Variants in TEX11 observed in about 807,000 individuals in gnomAD.
TEX11 encodes testis-expressed protein 11.
Under a neutral mutation model 84.4 loss-of-function variants are expected in TEX11, and 7 were observed. The observed-to-expected ratio is 0.08, with a 90% CI of 0.05 to 0.16. TEX11 has a LOEUF of 0.16. TEX11 is among the 10% of genes least tolerant of loss of function. TEX11 has a pLI of 1.00. For missense variants in TEX11, 551 were observed against 660.5 expected, an observed-to-expected ratio of 0.83 and a Z score of 1.82; for synonymous variants, 264 against 222.8, an observed-to-expected ratio of 1.18 and a Z score of -1.64.
chrX:70,769,918 A>T (rs1239757554), intron 9 of TEX11, among the ~76,000 whole-genome samples: 1 of 112,115 alleles, frequency 8.9e-6, no homozygotes, highest in Non-Finnish European at 1.9e-5. Flanking sequence ...TTATCACCGT[A>T]TATGTAAACC....
intron 13 of TEX11, among the ~76,000 whole-genome samples, chrX:70,691,752 G>A (rs2090236895): frequency 9.1e-6 from 1 of 110,497 alleles, no homozygotes; most frequent in Non-Finnish European, 1.9e-5. Flanking sequence ...GTACAGCATG[G>A]CGACTATAGT....
intron 20 of TEX11, among the ~76,000 whole-genome samples, chrX:70,618,436 G>A (rs2089344335): frequency 9.0e-6 from 1 of 111,519 alleles, no homozygotes; most frequent in African/African-American, 3.3e-5. Flanking sequence ...AAAGAAATGA[G>A]TTGAACCTAG....
chrX:70,677,037 T>C (rs1477325663), intron 15 of TEX11, among the ~76,000 whole-genome samples: 1 of 112,324 alleles, frequency 8.9e-6, no homozygotes, highest in Non-Finnish European at 1.9e-5. Flanking sequence ...TCAGTATCGA[T>C]TGATTGCTTA....
intron 8 of TEX11, among the ~76,000 whole-genome samples, chrX:70,807,466 C>T (rs1407419084): frequency 9.0e-6 from 1 of 111,619 alleles, no homozygotes; most frequent in Non-Finnish European, 1.9e-5. Flanking sequence ...TGCATTAATG[C>T]CATGTTTTAC....
intron 25 of TEX11, among the ~76,000 whole-genome samples, chrX:70,564,902 T>A (rs1242717831): frequency 9.1e-6 from 1 of 110,088 alleles, no homozygotes; most frequent in Admixed American, 9.8e-5. Context: ...TGATTTATAG[T>A]CCTTTGGGTA....
chrX:70,664,201 C>T (rs1353846112), intron 16 of TEX11, among the ~76,000 whole-genome samples: 1 of 111,681 alleles, frequency 9.0e-6, no homozygotes. Context: ...TTGATTCAAC[C>T]TAATTTGAGT....
intron 16 of TEX11, among the ~76,000 whole-genome samples, chrX:70,666,194 C>G (rs2089974925): frequency 9.0e-6 from 1 of 111,340 alleles, no homozygotes; most frequent in African/African-American, 3.3e-5. Context: ...ATAAACAGAA[C>G]TGTTACAAAG....
At chrX:70,847,341 T>C in intron 7 of TEX11, among the ~76,000 whole-genome samples, 1 of 111,225 alleles carries the variant, frequency 9.0e-6, no homozygotes, top group East Asian at 2.8e-4. Flanking sequence ...CTACTGAAAC[T>C]GCTTTCTATG....
intron 25 of TEX11, among the ~76,000 whole-genome samples, chrX:70,574,784 T>G (rs73540706): frequency 0.083 from 9,168 of 111,036 alleles, 851 homozygotes; most frequent in African/African-American, 0.26. Context: ...GGTTAAGGGG[T>G]TAAATAGTAT....
chrX:70,687,156 T>C (rs936209522), intron 13 of TEX11, among the ~76,000 whole-genome samples: 3 of 111,022 alleles, frequency 2.7e-5, no homozygotes, highest in African/African-American at 9.8e-5. Context: ...TCCACCTCAT[T>C]CACACACAGA....
At chrX:70,883,490 G>A (rs2091693642) in intron 2 of TEX11, among the ~76,000 whole-genome samples, 1 of 111,022 alleles carries the variant, frequency 9.0e-6, no homozygotes, top group African/African-American at 3.3e-5. Context: ...GGTGGTTGAG[G>A]TGGGAGGATC....
At chrX:70,621,693 G>A (rs758001046) in intron 20 of TEX11, among the ~76,000 whole-genome samples, 1 of 102,660 alleles carries the variant, frequency 9.7e-6, no homozygotes, top group East Asian at 3.1e-4. Flanking sequence ...CAGGAAGAAG[G>A]GTAGAACATA....
chrX:70,537,044 G>C (rs942985278), intron 28 of TEX11, among the ~76,000 whole-genome samples: 2 of 111,471 alleles, frequency 1.8e-5, no homozygotes, highest in Non-Finnish European at 3.8e-5. Context: ...GAAGTAGAAG[G>C]GGATTGAACT....
intron 13 of TEX11, among the ~76,000 whole-genome samples, chrX:70,719,974 G>A (rs1053432439): frequency 9.0e-6 from 1 of 111,298 alleles, no homozygotes; most frequent in African/African-American, 3.3e-5. Flanking sequence ...ATTCCTCAAG[G>A]GTCTAGAACT....
At position 70,713,660 on chromosome X, in the gene TEX11, C is replaced by T. The variant is rs753889915; in HGVS notation, c.1004+8958G>A. Reference sequence around the variant, plus strand: ...ATATCCCCTTTATCATTTTTTATTGCGTCTATTTGATTCTTCTCTCTTTTC... The same window carrying T: ...ATATCCCCTTTATCATTTTTTATTGTGTCTATTTGATTCTTCTCTCTTTTC... On this transcript the variant is annotated intron_variant, in intron 13 of 29. Coordinates refer to ENST00000374333, the MANE Select transcript of TEX11 (RefSeq NM_031276.3). 2.3e-4 allele frequency among the ~76,000 whole-genome samples: 25 copies of T among 110,458 alleles called. No homozygotes were observed. In the South Asian group the frequency reaches 5.5e-3, roughly 24 times the overall value.
chrX:70,658,273 C>T (rs779492765), intron 16 of TEX11, among the ~76,000 whole-genome samples: 6 of 110,373 alleles, frequency 5.4e-5, no homozygotes, highest in South Asian at 7.9e-4. Context: ...AAAAATTAGC[C>T]GGGCACGATG....
chrX:70,524,509 T>C (rs940263042), downstream of TEX11, among the ~76,000 whole-genome samples: 1 of 112,739 alleles, frequency 8.9e-6, no homozygotes, highest in Non-Finnish European at 1.9e-5. Context: ...TCCAAAAAGA[T>C]TAGCTGGCAA....
At chrX:70,691,998 G>T (rs2090239277) in intron 13 of TEX11, among the ~76,000 whole-genome samples, 1 of 110,283 alleles carries the variant, frequency 9.1e-6, no homozygotes. Flanking sequence ...GTGTGTACAA[G>T]AAACTTACTT....
intron 13 of TEX11, among the ~76,000 whole-genome samples, chrX:70,720,772 TA>T (rs1491050402): frequency 2.1e-5 from 2 of 94,324 alleles, no homozygotes; most frequent in Non-Finnish European, 4.4e-5. Context: ...TACATATATA[TA>T]ATATATATAT....
Sources: gnomAD v4.1 joint callset for allele counts (sites outside exome capture counted in the v4.1 genomes callset) on GRCh38, gnomAD v4.1.1 for gene constraint, MANE v1.5 for transcripts, NCBI Gene and HGNC (gene_info 2026-07-23, HGNC 2026-07-21) for gene names.